Variants in KCNJ6 observed in about 807,000 individuals in gnomAD.
KCNJ6 encodes G protein-activated inward rectifier potassium channel 2.
A neutral mutation model predicts 34.2 loss-of-function variants in KCNJ6; 9 were observed. That is an observed-to-expected ratio of 0.26 (90% CI 0.16 to 0.46). The LOEUF (loss-of-function observed/expected upper bound fraction) is 0.46, where lower values mean the gene tolerates loss of function less well. KCNJ6 is among the 20% of genes least tolerant of loss of function. The pLI is 1.00. For missense variants in KCNJ6, 236 were observed against 531.3 expected, an observed-to-expected ratio of 0.44 and a Z score of 5.46; for synonymous variants, 196 against 207.1, an observed-to-expected ratio of 0.95 and a Z score of 0.46.
chr21:37,854,696 T>C (rs1051336894), intron 1 of KCNJ6, among the ~76,000 whole-genome samples: 20 of 152,148 alleles, frequency 1.3e-4, no homozygotes, highest in Non-Finnish European at 2.5e-4. Context: ...ATATCCCAAA[T>C]ACCCTGACTT....
Position 37,624,474 on chromosome 21 carries a change from TC to T in KCNJ6, c.*684del, listed in dbSNP as rs1019088137. The T allele has an allele frequency of 6.6e-6, 1 of 151,818 alleles. No individual in the cohort carries two copies. Among genetic ancestry groups the T allele is most frequent in the Non-Finnish European group, 1.5e-5 (1 of 67,984 alleles). The allele number at this position is 151,818 out of a possible 1,614,324, so 9.4% of individuals were successfully genotyped here. A position where few individuals can be genotyped will look rare whatever the true frequency, so the allele number is the denominator to read the frequency against. ...TGCATGTTAGGAATCTTTCTTTCTT[TC>T]TTTTTTTTTTTGCTTCTTATTTCTA... is the stretch of plus-strand genomic sequence containing the variant. On this transcript the variant is annotated 3_prime_UTR_variant, in exon 4 of 4. Transcript: ENST00000609713.
At chr21:37,737,182 C>T (rs897405974) in intron 2 of KCNJ6, among the ~76,000 whole-genome samples, 5 of 152,114 alleles carry the variant, frequency 3.3e-5, no homozygotes, top group African/African-American at 1.2e-4. Flanking sequence ...CAAGAGAAGA[C>T]CTGTTTCATA....
At chr21:37,853,846 G>GTGTGTATATATA (rs71198897) in intron 1 of KCNJ6, among the ~76,000 whole-genome samples, 15 of 115,968 alleles carry the variant, frequency 1.3e-4, no homozygotes, top group Non-Finnish European at 2.2e-4. Context: ...ATATATATAT[G>GTGTGTATATATA]TATATATATA....
In KCNJ6 at chr21:37,675,738, T is replaced by TA. The variant is rs1371082505; in HGVS notation, c.946+38472dup. 1.3e-5 allele frequency among the ~76,000 whole-genome samples: 2 copies of TA among 152,230 alleles called. No homozygotes were observed. The highest frequency in any genetic ancestry group is 6.5e-5 in the Admixed American group (1 of 15,282). ...CAGCAAGCAGGCTCTTATAGACTCT[T>TA]ACACCAAAAGAAGAATTTGGAGGTC... On this transcript the variant is annotated intron_variant, in intron 3 of 3. Coordinates refer to ENST00000609713, the MANE Select transcript of KCNJ6 (RefSeq NM_002240.5). This position sits in a 1 kb window ranked among gnomAD's most constrained non-coding sequence, Gnocchi z 4.2.
chr21:37,746,813 C>T (rs2054969704), intron 2 of KCNJ6, among the ~76,000 whole-genome samples: 1 of 152,236 alleles, frequency 6.6e-6, no homozygotes, highest in Non-Finnish European at 1.5e-5. Flanking sequence ...TCTATAACTT[C>T]TACATACTCT....
intron 3 of KCNJ6, among the ~76,000 whole-genome samples, chr21:37,680,793 G>A (rs778248408): frequency 6.6e-6 from 1 of 152,152 alleles, no homozygotes; most frequent in Non-Finnish European, 1.5e-5. Flanking sequence ...GCCAATGCTT[G>A]TAATAAATCA....
At chr21:37,788,437 C>A (rs1051649299) in intron 2 of KCNJ6, among the ~76,000 whole-genome samples, 1 of 152,150 alleles carries the variant, frequency 6.6e-6, no homozygotes, top group Non-Finnish European at 1.5e-5. Flanking sequence ...AGCATACTTC[C>A]TATAATTTGA....
intron 2 of KCNJ6, among the ~76,000 whole-genome samples, chr21:37,758,260 A>G (rs2055041445): frequency 6.6e-6 from 1 of 152,122 alleles, no homozygotes; most frequent in Non-Finnish European, 1.5e-5. Context: ...AGGGTCCTGT[A>G]ACTTTATTAT....
At chr21:37,806,155 T>TA (rs1376069803) in intron 2 of KCNJ6, among the ~76,000 whole-genome samples, 3 of 152,218 alleles carry the variant, frequency 2.0e-5, no homozygotes, top group African/African-American at 7.2e-5. Flanking sequence ...AACTGGCTGA[T>TA]AAAAAATGGA....
intron 1 of KCNJ6, among the ~76,000 whole-genome samples, chr21:37,892,921 C>T (rs950858338): frequency 7.5e-5 from 11 of 147,474 alleles, no homozygotes; most frequent in East Asian, 4.0e-4. Flanking sequence ...GGTGTGATCT[C>T]GGCTCAGTGC....
intron 3 of KCNJ6, among the ~76,000 whole-genome samples, chr21:37,643,942 C>A (rs556719736): frequency 6.6e-6 from 1 of 152,262 alleles, no homozygotes; most frequent in African/African-American, 2.4e-5. Flanking sequence ...CATTGCAGCA[C>A]TATTCACAAT....
At position 37,613,137 on chromosome 21, in the gene KCNJ6, C is replaced by G. The variant is rs189709707; in HGVS notation, c.*12022G>C. On this transcript the variant is annotated 3_prime_UTR_variant, in exon 4 of 4. Transcript: ENST00000609713. ...TAAAAAAATGCCCAAAAGACCTGAACAGACACCTCACCAAAGAAGATGTAC... is the reference window on the plus strand; with the variant it reads ...TAAAAAAATGCCCAAAAGACCTGAAGAGACACCTCACCAAAGAAGATGTAC... 3 of 152,200 alleles carry G rather than the reference C, an allele frequency of 2.0e-5. No individual in the cohort carries two copies. Among genetic ancestry groups the G allele is most frequent in the East Asian group, 1.9e-4 (1 of 5,176 alleles). 9.4% of individuals were successfully genotyped at this position (152,200 alleles called of 1,614,324 possible).
At chr21:37,850,740 T>C (rs1357523520) in intron 1 of KCNJ6, among the ~76,000 whole-genome samples, 1 of 152,096 alleles carries the variant, frequency 6.6e-6, no homozygotes, top group Non-Finnish European at 1.5e-5. Flanking sequence ...ATGGCTTACG[T>C]TTGTCTAATG....
intron 1 of KCNJ6, among the ~76,000 whole-genome samples, chr21:37,899,958 C>T (rs146020795): frequency 1.7e-3 from 252 of 152,292 alleles, no homozygotes; most frequent in African/African-American, 5.8e-3. Context: ...TCAGGTTGGG[C>T]ACAGGTTCTG....
At chr21:37,879,572 G>C (rs2055696091) in intron 1 of KCNJ6, among the ~76,000 whole-genome samples, 2 of 152,020 alleles carry the variant, frequency 1.3e-5, no homozygotes, top group Admixed American at 1.3e-4. Context: ...TCCAGGTACA[G>C]AGGAAGGCCT....
intron 3 of KCNJ6, among the ~76,000 whole-genome samples, chr21:37,629,268 G>A (rs1384275551): frequency 6.6e-6 from 1 of 152,030 alleles, no homozygotes; most frequent in Non-Finnish European, 1.5e-5. Context: ...AATATATCAT[G>A]GTTTTATTTA....
chr21:37,865,484 G>A (rs1015200416), intron 1 of KCNJ6, among the ~76,000 whole-genome samples: 2 of 152,192 alleles, frequency 1.3e-5, no homozygotes, highest in African/African-American at 4.8e-5. Context: ...TGACTCTTCT[G>A]AGCTTGAACT....
At chr21:37,891,820 C>G (rs1048362441) in intron 1 of KCNJ6, among the ~76,000 whole-genome samples, 3 of 152,088 alleles carry the variant, frequency 2.0e-5, no homozygotes, top group African/African-American at 7.2e-5. Context: ...AGCTGCTGTT[C>G]CTGTTGGAGG....
At chr21:37,804,726 T>C (rs2055285379) in intron 2 of KCNJ6, among the ~76,000 whole-genome samples, 1 of 152,198 alleles carries the variant, frequency 6.6e-6, no homozygotes, top group African/African-American at 2.4e-5. Context: ...TACAGCTCCA[T>C]CCATGTTCCT....
Sources: gnomAD v4.1 joint callset for allele counts (sites outside exome capture counted in the v4.1 genomes callset) on GRCh38, gnomAD v4.1.1 for gene constraint, Gnocchi (gnomAD v3.1) non-coding constraint, MANE v1.5 for transcripts, NCBI Gene and HGNC (gene_info 2026-07-23, HGNC 2026-07-21) for gene names.